FRRS1L: variants seen among roughly 807,000 people sequenced by gnomAD.
FRRS1L encodes the protein DOMON domain-containing protein FRRS1L.
Under a neutral mutation model 28.6 loss-of-function variants are expected in FRRS1L, and 22 were observed. That is an observed-to-expected ratio of 0.77 (90% CI 0.55 to 1.10). The LOEUF is 1.10. Ranked by LOEUF, FRRS1L falls within the 50% of genes least tolerant of loss-of-function variation. FRRS1L has a pLI of 0.00. For synonymous variants in FRRS1L, 158 were observed against 151.4 expected, an observed-to-expected ratio of 1.04 and a Z score of -0.32; for missense variants, 380 against 386.9, an observed-to-expected ratio of 0.98 and a Z score of 0.15.
intron 3 of FRRS1L, among the ~76,000 whole-genome samples, chr9:109,146,247 A>T (rs1366044350): frequency 6.6e-6 from 1 of 152,178 alleles, no homozygotes; most frequent in Non-Finnish European, 1.5e-5. Context: ...TAAATAAATG[A>T]GTAAAGTGTT....
chr9:109,158,586 C>T (rs897979762), intron 1 of FRRS1L, among the ~76,000 whole-genome samples: 3 of 152,190 alleles, frequency 2.0e-5, no homozygotes, highest in Non-Finnish European at 4.4e-5. Flanking sequence ...TGGAATCATA[C>T]AACATGTGGT....
chr9:109,162,343 C>T (rs538108689), intron 1 of FRRS1L, among the ~76,000 whole-genome samples: 6 of 152,116 alleles, frequency 3.9e-5, no homozygotes, highest in Non-Finnish European at 8.8e-5. Flanking sequence ...AGCAATTCTA[C>T]CTGTCCAATC....
chr9:109,153,548 T>C (rs927382906), intron 1 of FRRS1L, among the ~76,000 whole-genome samples: 16 of 152,168 alleles, frequency 1.1e-4, no homozygotes, highest in Non-Finnish European at 1.8e-4. Flanking sequence ...AATAAAACTG[T>C]CATAGTAAAA....
intron 1 of FRRS1L, among the ~76,000 whole-genome samples, chr9:109,154,640 T>A (rs1214685870): frequency 1.3e-5 from 2 of 152,222 alleles, no homozygotes; most frequent in African/African-American, 4.8e-5. Flanking sequence ...ATTATCAGTC[T>A]ATACAAAGCC....
chr9:109,141,177 A>G, intron 4 of FRRS1L, 166 bp downstream of exon 4: 1 of 677,912 alleles, frequency 1.5e-6, no homozygotes, highest in South Asian at 1.9e-5. Context: ...AGTCCATTAT[A>G]ATAAGTCCAT....
intron 1 of FRRS1L, among the ~76,000 whole-genome samples, chr9:109,160,636 G>C (rs1831469482): frequency 6.6e-6 from 1 of 151,822 alleles, no homozygotes; most frequent in South Asian, 2.1e-4. Context: ...CAAAGTGCTG[G>C]GATTACAGGC....
chr9:109,164,322 G>T (rs1253516772), intron 1 of FRRS1L, among the ~76,000 whole-genome samples: 2 of 152,076 alleles, frequency 1.3e-5, no homozygotes, highest in Non-Finnish European at 2.9e-5. Flanking sequence ...GGGGAGATAT[G>T]GTTGTAAAAG....
chr9:109,142,813 T>TAA (rs1210528307), intron 3 of FRRS1L, among the ~76,000 whole-genome samples: 1 of 82,420 alleles, frequency 1.2e-5, no homozygotes, highest in African/African-American at 3.6e-5. Flanking sequence ...TCTCAAAAAA[T>TAA]AAAAATAAAA....
rs1209247058 is a variant in FRRS1L at position 109,167,129 on chromosome 9, G to A, written c.10C>T (p.Pro4Ser). 2 of 1,161,574 alleles carry A rather than the reference G, an allele frequency of 1.7e-6. No homozygotes were observed. The highest frequency in any genetic ancestry group is 1.1e-6 in the Non-Finnish European group (1 of 945,476). The allele number at this position is 1,161,574 out of a possible 1,614,324, so 72.0% of individuals were successfully genotyped here. MAR[P>S]PRQHPGVWAS... ...CAGACCCCCGGGTGCTGCCGGGGCG[G>A]CCGCGCCATCCGTGCGCACAGATCC... Residue 4 changes from proline (P) to serine (S), a missense_variant, in exon 1 of 5, where the codon CCG (proline) becomes TCG (serine). Coordinates refer to ENST00000561981, the MANE Select transcript of FRRS1L (RefSeq NM_014334.4).
intron 1 of FRRS1L, 149 bp from the exon 2 acceptor site, chr9:109,149,869 C>T: frequency 6.4e-6 from 4 of 628,498 alleles, no homozygotes; most frequent in South Asian, 5.7e-5. Flanking sequence ...TAATCATCCC[C>T]TTCATGGGGG....
chr9:109,150,521 C>T (rs1312920832), intron 1 of FRRS1L: 2 of 152,206 alleles, frequency 1.3e-5, no homozygotes, highest in Non-Finnish European at 2.9e-5. Context: ...CAACTTGTCG[C>T]TAAATTCTTT....
rs545240118 is a variant in FRRS1L at position 109,130,562 on chromosome 9, T to A, written c.*6893A>T. 1 of 152,236 alleles carries A rather than the reference T, an allele frequency of 6.6e-6. No individual in the cohort carries two copies. The highest frequency in any genetic ancestry group is 1.5e-5 in the Non-Finnish European group (1 of 68,032). 9.4% of individuals were successfully genotyped at this position (152,236 alleles called of 1,614,324 possible). On this transcript the variant is annotated 3_prime_UTR_variant, in exon 5 of 5. Transcript: ENST00000561981. ...TAAAAATTTACATAAGATAGGCTTA[T>A]AAATATACATAAATCTCAAAATTAA...
intron 1 of FRRS1L, among the ~76,000 whole-genome samples, chr9:109,160,328 T>C (rs918947637): frequency 2.0e-5 from 3 of 152,164 alleles, no homozygotes; most frequent in African/African-American, 7.2e-5. Flanking sequence ...CCACCTACAG[T>C]CTCACAATCC....
Position 109,141,541 on chromosome 9 carries a change from G to A in FRRS1L, c.511C>T (p.Arg171Cys), listed in dbSNP as rs143745415. 30 of 1,613,690 alleles carry A rather than the reference G, an allele frequency of 1.9e-5. No individual in the cohort carries two copies. The highest frequency in any genetic ancestry group is 2.2e-5 in the Non-Finnish European group (26 of 1,179,902). Reference protein sequence around the residue: ...ACVHDDNGRVRIQHFYNVGQW... With the variant: ...ACVHDDNGRVCIQHFYNVGQW... ...CCTACATTATAGAAGTGCTGTATGC[G>A]GACCCTGCCATTGTCATCATGGACG... The change falls in exon 4 of 5, where the codon CGC becomes TGC. Residue 171 changes from arginine to cysteine, a missense_variant. Transcript: ENST00000561981.
intron 3 of FRRS1L, among the ~76,000 whole-genome samples, chr9:109,143,715 A>T (rs1194561974): frequency 1.3e-5 from 2 of 151,822 alleles, no homozygotes; most frequent in Non-Finnish European, 2.9e-5. Context: ...GGGCTTCACT[A>T]TGTTGGCCAG....
intron 1 of FRRS1L, chr9:109,150,313 T>C (rs1831316293): frequency 6.6e-6 from 1 of 152,192 alleles, no homozygotes; most frequent in Non-Finnish European, 1.5e-5. Flanking sequence ...TCTCCTAGGT[T>C]CAAGGGATTC....
At chr9:109,146,567 G>C (rs909853259) in intron 3 of FRRS1L, among the ~76,000 whole-genome samples, 36 of 152,164 alleles carry the variant, frequency 2.4e-4, no homozygotes, top group Non-Finnish European at 1.5e-5. Context: ...GAGAATATGA[G>C]TAGAGACGGA....
chr9:109,167,070 G>A lies in FRRS1L; in HGVS notation c.69C>T (p.Pro23=), dbSNP rs1831563982. 3.4e-6 allele frequency: 4 copies of A among 1,177,098 alleles called. No individual in the cohort carries two copies. Among genetic ancestry groups the A allele is most frequent in the Non-Finnish European group, 4.2e-6 (4 of 956,752 alleles). 72.9% of individuals were successfully genotyped at this position (1,177,098 alleles called of 1,614,324 possible). A position where few individuals can be genotyped will look rare whatever the true frequency, so the allele number is the denominator to read the frequency against. ...ASLLLLLLTG[P]AACAASPADD... ...CCGCGGGGCTGGCTGCGCAGGCGGC[G>A]GGCCCCGTCAGTAGCAGCAGGAGCA... The change falls in exon 1 of 5, where the codon CCC becomes CCT. Residue 23 remains proline, a synonymous_variant. Coordinates refer to ENST00000561981, the MANE Select transcript of FRRS1L (RefSeq NM_014334.4).
chr9:109,151,391 T>G (rs1381591005), intron 1 of FRRS1L: 1 of 153,262 alleles, frequency 6.5e-6, no homozygotes, highest in Non-Finnish European at 1.5e-5. Flanking sequence ...CCCCATGGCT[T>G]GCATAACTGC....
Sources: allele counts gnomAD v4.1 joint callset (sites outside exome capture counted in the v4.1 genomes callset), GRCh38; gene constraint gnomAD v4.1.1; transcripts MANE v1.5; gene names NCBI Gene and HGNC (gene_info 2026-07-23, HGNC 2026-07-21).